PRPSAP2: variants seen among roughly 807,000 people sequenced by gnomAD.
The protein encoded by PRPSAP2 is phosphoribosyl pyrophosphate synthase-associated protein 2.
Under a neutral mutation model 40.6 loss-of-function variants are expected in PRPSAP2, and 24 were observed. The ratio of observed to expected loss-of-function variants is 0.59; its 90% CI spans 0.43 to 0.83. The LOEUF (loss-of-function observed/expected upper bound fraction) is 0.83. Ranked by LOEUF, PRPSAP2 falls within the 40% of genes least tolerant of loss-of-function variation. The probability of loss-of-function intolerance (pLI) is 0.00; values close to 1 mark genes in which losing one functional copy is unlikely to be tolerated. For missense variants in PRPSAP2, 292 were observed against 465.6 expected (o/e 0.63, Z 3.43); for synonymous variants, 149 against 164.7 (o/e 0.90, Z 0.73).
Position 18,911,387 on chromosome 17 carries a change from A to G in PRPSAP2, c.733+136A>G. On this transcript the variant is annotated intron_variant, in intron 9 of 11. Coordinates refer to ENST00000268835, the MANE Select transcript of PRPSAP2 (RefSeq NM_002767.4). This position sits in a 1 kb window ranked among gnomAD's most constrained non-coding sequence, Gnocchi z 4.5. Reference sequence around the variant, plus strand: ...TCATTAACACCTTTCTTGGCCAGATAGTAGCGAATGCATTTCTGATTACCT... The same window carrying G: ...TCATTAACACCTTTCTTGGCCAGATGGTAGCGAATGCATTTCTGATTACCT... 9.4e-7 allele frequency: 1 copy of G among 1,069,102 alleles called. No individual in the cohort carries two copies. Among genetic ancestry groups the G allele is most frequent in the South Asian group, 1.9e-5 (1 of 51,424 alleles). 66.2% of individuals were successfully genotyped at this position (1,069,102 alleles called of 1,614,324 possible). A position where few individuals can be genotyped will look rare whatever the true frequency, so the allele number is the denominator to read the frequency against.
At chr17:18,879,842 G>A (rs1344533002) in intron 6 of PRPSAP2, among the ~76,000 whole-genome samples, 2 of 129,386 alleles carry the variant, frequency 1.5e-5, no homozygotes, top group Non-Finnish European at 3.2e-5. Context: ...GCTCACGCCT[G>A]TAATCCCAGC....
At chr17:18,871,653 CTTTTTTTTTTT>C (rs142523345) in intron 4 of PRPSAP2, among the ~76,000 whole-genome samples, 30 of 129,856 alleles carry the variant, frequency 2.3e-4, no homozygotes, top group African/African-American at 8.1e-4. Context: ...ATATAATTTT[CTTTTTTTTTTT>C]TTTTTTTTTT....
rs781673787 is a variant in PRPSAP2, at chr17:18,928,645, C to T, written c.805-166C>T. On this transcript the variant is annotated intron_variant, in intron 10 of 11. Coordinates refer to ENST00000268835, the MANE Select transcript of PRPSAP2 (RefSeq NM_002767.4). ...TCGTGTGAAAGTACTGGAGGGCTGCCATGGGGCACGGTGATGGGGACATGG... is the reference window on the plus strand; with the variant it reads ...TCGTGTGAAAGTACTGGAGGGCTGCTATGGGGCACGGTGATGGGGACATGG... 10 of 803,024 alleles carry T rather than the reference C, an allele frequency of 1.2e-5. No individual in the cohort carries two copies. The East Asian group carries it at 2.4e-4, about 19-fold the overall frequency. 49.7% of individuals were successfully genotyped at this position (803,024 alleles called of 1,614,324 possible).
chr17:18,872,579 C>A lies in PRPSAP2; in HGVS notation c.173-4C>A. 6.3e-7 allele frequency: 1 copy of A among 1,575,230 alleles called. No individual in the cohort carries two copies. The highest frequency in any genetic ancestry group is 8.7e-7 in the Non-Finnish European group (1 of 1,148,266). ...CCCTCTCTTCTTTTTCCTTTTCCTGCCAGAAACAAGAGTACAAATTCAAGA... is the reference window on the plus strand; with the variant it reads ...CCCTCTCTTCTTTTTCCTTTTCCTGACAGAAACAAGAGTACAAATTCAAGA... On this transcript the variant is annotated splice_region_variant and splice_polypyrimidine_tract_variant and intron_variant, in intron 4 of 11. Transcript: ENST00000268835.
rs775079199 is a variant in PRPSAP2, at chr17:18,885,403, CAAAAAAAAAA to C, written c.528+2737_528+2746del. Reference sequence around the variant, plus strand: ...GGCGACAGAGTGAGATTCCTTCTCACAAAAAAAAAAAAAAAAAAAAAAAAAATTAATATGT... The same window carrying C: ...GGCGACAGAGTGAGATTCCTTCTCACAAAAAAAAAAAAAAAATTAATATGT... On this transcript the variant is annotated intron_variant, in intron 7 of 11. Transcript: ENST00000268835. Among the ~76,000 whole-genome samples the C allele has an allele frequency of 7.3e-4, 8 of 10,994 alleles. No homozygotes were observed. In the East Asian group the frequency reaches 0.013, roughly 18 times the overall value. The allele number at this position is 10,994 out of a possible 152,430, so 7.2% of individuals were successfully genotyped here. A position where few individuals can be genotyped will look rare whatever the true frequency, so the allele number is the denominator to read the frequency against.
intron 5 of PRPSAP2, 123 bp from the exon 6 acceptor site, chr17:18,877,575 G>T (rs1567685386): frequency 2.0e-5 from 18 of 914,248 alleles, no homozygotes; most frequent in South Asian, 6.1e-5. Flanking sequence ...TTATTGGTTG[G>T]TTTTTTTCTG....
At chr17:18,915,759 T>G (rs1007241543) in intron 9 of PRPSAP2, among the ~76,000 whole-genome samples, 1 of 152,052 alleles carries the variant, frequency 6.6e-6, no homozygotes, top group Non-Finnish European at 1.5e-5. Flanking sequence ...ATGAAGGATC[T>G]GCCTCTGTGA....
intron 8 of PRPSAP2, among the ~76,000 whole-genome samples, chr17:18,892,688 A>AGTGGGTGT (rs2039625505): frequency 1.3e-5 from 1 of 75,382 alleles, no homozygotes; most frequent in Non-Finnish European, 2.8e-5. Flanking sequence ...CAGCCTGTTG[A>AGTGGGTGT]GTGTGTGTGT....
At chr17:18,925,183 C>T (rs2041907269) in intron 10 of PRPSAP2, among the ~76,000 whole-genome samples, 1 of 152,044 alleles carries the variant, frequency 6.6e-6, no homozygotes, top group African/African-American at 2.4e-5. Context: ...CATCCTTTCA[C>T]ACATCATAAG....
intron 2 of PRPSAP2, 83 bp from the exon 3 acceptor site, chr17:18,865,719 T>C (rs1888636914): frequency 1.2e-6 from 1 of 845,082 alleles, no homozygotes; most frequent in Admixed American, 4.3e-5. Context: ...TTCCTTCAGC[T>C]GAAGTCATTT....
In PRPSAP2 at chr17:18,871,653, CTTTTTTTTTTTT is replaced by C. The variant is rs142523345; in HGVS notation, c.173-917_173-906del. On this transcript the variant is annotated intron_variant, in intron 4 of 11. Transcript: ENST00000268835. ...GCTGATTGAATGAGTATATAATTTT[CTTTTTTTTTTTT>C]TTTTTTTTTTTTGAGACGGAGTTTC... Among the ~76,000 whole-genome samples, 3 of 129,856 alleles carry C rather than the reference CTTTTTTTTTTTT, an allele frequency of 2.3e-5. No homozygotes were observed. In the South Asian group the frequency reaches 8.4e-4, roughly 37 times the overall value. The allele number at this position is 129,856 out of a possible 152,430, so 85.2% of individuals were successfully genotyped here. A position where few individuals can be genotyped will look rare whatever the true frequency, so the allele number is the denominator to read the frequency against.
chr17:18,896,281 C>T (rs1384351085), intron 8 of PRPSAP2, among the ~76,000 whole-genome samples: 1 of 152,168 alleles, frequency 6.6e-6, no homozygotes, highest in Non-Finnish European at 1.5e-5. Flanking sequence ...CCACTGAAGT[C>T]TCTGGTTGGT....
chr17:18,921,917 CT>C, intron 9 of PRPSAP2, among the ~76,000 whole-genome samples: 1 of 152,274 alleles, frequency 6.6e-6, no homozygotes, highest in African/African-American at 2.4e-5. Flanking sequence ...GTTACCATTT[CT>C]TTCTAGTTTC....
intron 9 of PRPSAP2, among the ~76,000 whole-genome samples, chr17:18,922,667 A>AC (rs2041750377): frequency 8.1e-6 from 1 of 123,306 alleles, no homozygotes; most frequent in South Asian, 2.4e-4. Flanking sequence ...ATATATATAT[A>AC]ATTTTTTTTT....
intron 8 of PRPSAP2, among the ~76,000 whole-genome samples, chr17:18,909,240 C>CTTT (rs71155371): frequency 6.0e-4 from 58 of 95,970 alleles, no homozygotes; most frequent in African/African-American, 2.0e-3. Flanking sequence ...ACAGTGTGGC[C>CTTT]TTTTTTTTTT....
intron 8 of PRPSAP2, among the ~76,000 whole-genome samples, chr17:18,892,688 A>AGTGTGT (rs3043879): frequency 0.15 from 11,038 of 75,228 alleles, 856 homozygotes; most frequent in South Asian, 0.19. Context: ...CAGCCTGTTG[A>AGTGTGT]GTGTGTGTGT....
intron 7 of PRPSAP2, among the ~76,000 whole-genome samples, chr17:18,886,524 A>T (rs1460619550): frequency 6.6e-6 from 1 of 151,786 alleles, no homozygotes; most frequent in Non-Finnish European, 1.5e-5. Flanking sequence ...CGCCTGGCTA[A>T]TTTTTTTGTA....
At chr17:18,916,196 G>A (rs1261719700) in intron 9 of PRPSAP2, among the ~76,000 whole-genome samples, 1 of 151,886 alleles carries the variant, frequency 6.6e-6, no homozygotes, top group East Asian at 1.9e-4. Context: ...TCCCCTTTAC[G>A]GTCTGTACAT....
intron 10 of PRPSAP2, among the ~76,000 whole-genome samples, chr17:18,925,099 G>C (rs1239233494): frequency 6.6e-6 from 1 of 151,642 alleles, no homozygotes; most frequent in Non-Finnish European, 1.5e-5. Context: ...TAGCCTGGGC[G>C]AAAGAGTGAG....
Sources: allele counts gnomAD v4.1 joint callset (sites outside exome capture counted in the v4.1 genomes callset), GRCh38; gene constraint gnomAD v4.1.1; non-coding constraint Gnocchi (gnomAD v3.1); transcripts MANE v1.5; gene names NCBI Gene and HGNC (gene_info 2026-07-23, HGNC 2026-07-21).